Variants in CAPN8 observed in about 807,000 individuals in gnomAD.
CAPN8 encodes calpain-8.
CAPN8 carries 87 observed loss-of-function variants against 80.9 expected under a neutral mutation model. The ratio of observed to expected loss-of-function variants is 1.07; its 90% CI spans 0.90 to 1.28. The LOEUF is 1.28. Ranked by LOEUF, CAPN8 falls within the 50% of genes most tolerant of loss-of-function variation. The pLI is 0.00. For missense variants in CAPN8, 757 were observed against 702.0 expected (o/e 1.08, Z -0.89); for synonymous variants, 299 against 273.8 (o/e 1.09, Z -0.91).
intron 5 of CAPN8, among the ~76,000 whole-genome samples, 163 bp downstream of exon 5, chr1:223,626,826 T>C (rs890478050): frequency 6.6e-6 from 1 of 152,088 alleles, no homozygotes; most frequent in African/African-American, 2.4e-5. Flanking sequence ...CACCAGCCCC[T>C]ATATGTTCAG....
chr1:223,640,489 C>T (rs1355091383), intron 2 of CAPN8, among the ~76,000 whole-genome samples: 1 of 152,174 alleles, frequency 6.6e-6, no homozygotes, highest in African/African-American at 2.4e-5. Flanking sequence ...TCACTCCCAC[C>T]ACCTGCCTTC....
intron 13 of CAPN8, among the ~76,000 whole-genome samples, chr1:223,557,560 G>C (rs1656933286): frequency 6.6e-6 from 1 of 152,184 alleles, no homozygotes; most frequent in Admixed American, 6.5e-5. Context: ...TGAGGACACA[G>C]TGAGGAATAA....
chr1:223,620,577 G>A (rs1463116873), intron 7 of CAPN8, among the ~76,000 whole-genome samples: 3 of 152,090 alleles, frequency 2.0e-5, no homozygotes, highest in Admixed American at 2.0e-4. Flanking sequence ...AGACTCCCAG[G>A]CCCCTGTTTG....
intron 1 of CAPN8, among the ~76,000 whole-genome samples, chr1:223,655,274 G>A (rs892189847): frequency 6.6e-6 from 1 of 152,188 alleles, no homozygotes; most frequent in African/African-American, 2.4e-5. Context: ...TGTATCCTGA[G>A]ATGAGAATTC....
intron 16 of CAPN8, chr1:223,545,509 C>A: frequency 1.4e-6 from 1 of 725,258 alleles, no homozygotes; most frequent in Non-Finnish European, 2.2e-6. Flanking sequence ...AGGCCAGGCA[C>A]AGAGCTAGGA....
chr1:223,549,087 C>T (rs1398365382), intron 16 of CAPN8, among the ~76,000 whole-genome samples: 1 of 152,172 alleles, frequency 6.6e-6, no homozygotes, highest in African/African-American at 2.4e-5. Flanking sequence ...CTGCACACCT[C>T]GGTTTCTTCA....
intron 9 of CAPN8, chr1:223,617,294 G>GTTTGT (rs1374031332): frequency 3.5e-5 from 5 of 144,714 alleles, no homozygotes; most frequent in Admixed American, 1.4e-4. Flanking sequence ...GGGGGGGGTT[G>GTTTGT]TTTGTTTTGT....
At chr1:223,663,673 C>A (rs1481459076) in intron 1 of CAPN8, among the ~76,000 whole-genome samples, 2 of 152,202 alleles carry the variant, frequency 1.3e-5, no homozygotes, top group Non-Finnish European at 2.9e-5. Context: ...AAAACCATTA[C>A]TCCCAATCTG....
At chr1:223,651,378 G>GA (rs1658338769) in intron 2 of CAPN8, among the ~76,000 whole-genome samples, 1 of 152,182 alleles carries the variant, frequency 6.6e-6, no homozygotes, top group Non-Finnish European at 1.5e-5. Context: ...TATTCTACAG[G>GA]AAAAATTACT....
chr1:223,657,427 A>G (rs1301814908), intron 1 of CAPN8, among the ~76,000 whole-genome samples: 1 of 152,164 alleles, frequency 6.6e-6, no homozygotes, highest in East Asian at 1.9e-4. Flanking sequence ...AAGACAGCAC[A>G]CTCAATAGGG....
At position 223,630,436 on chromosome 1, in the gene CAPN8, A is replaced by G. The variant is rs1266121827; in HGVS notation, c.308-1656T>C. On this transcript the variant is annotated intron_variant, in intron 2 of 20. Transcript: ENST00000366872. ...ACTGCAGCCCCAACCTCCTAGTCTC[A>G]AGCAATTCTCCCACCTCAGCCTCCT... Among the ~76,000 whole-genome samples the G allele has an allele frequency of 2.0e-5, 3 of 152,048 alleles. No individual in the cohort carries two copies. The East Asian group carries it at 5.8e-4, about 29-fold the overall frequency.
At chr1:223,620,505 T>C (rs1263391650) in intron 7 of CAPN8, among the ~76,000 whole-genome samples, 2 of 152,116 alleles carry the variant, frequency 1.3e-5, no homozygotes, top group Non-Finnish European at 2.9e-5. Flanking sequence ...GCCAGGAACA[T>C]TATGACTCAA....
chr1:223,627,908 T>C, intron 4 of CAPN8, 101 bp downstream of exon 4: 9 of 1,360,078 alleles, frequency 6.6e-6, no homozygotes, highest in Non-Finnish European at 8.8e-6. Context: ...AAAGACGCCA[T>C]GACGCCCTGA....
At chr1:223,544,204 G>T in intron 18 of CAPN8, 21 bp from the exon 19 acceptor site, 1 of 716,952 alleles carries the variant, frequency 1.4e-6, no homozygotes. Flanking sequence ...AGGGAGCCTG[G>T]GTCACAGGTA....
At chr1:223,647,867 T>C (rs1160490235) in intron 2 of CAPN8, among the ~76,000 whole-genome samples, 1 of 152,204 alleles carries the variant, frequency 6.6e-6, no homozygotes, top group African/African-American at 2.4e-5. Context: ...AACATAATTA[T>C]GAAATGGCAG....
chr1:223,542,801 A>ATCCTTCCAT (rs1434744075), intron 20 of CAPN8, among the ~76,000 whole-genome samples: 1 of 152,208 alleles, frequency 6.6e-6, no homozygotes, highest in Admixed American at 6.5e-5. Context: ...CTGGTCCTAG[A>ATCCTTCCAT]AGCCAGACAC....
intron 1 of CAPN8, among the ~76,000 whole-genome samples, chr1:223,655,772 G>T (rs544103902): frequency 2.6e-5 from 4 of 152,146 alleles, no homozygotes; most frequent in African/African-American, 9.7e-5. Context: ...AGCAGTCTAC[G>T]TACTGGTTCC....
intron 11 of CAPN8, among the ~76,000 whole-genome samples, chr1:223,611,485 G>C (rs917801344): frequency 6.6e-6 from 1 of 152,208 alleles, no homozygotes; most frequent in African/African-American, 2.4e-5. Flanking sequence ...GTGTGGACCT[G>C]CCTGTCAGCT....
intron 2 of CAPN8, among the ~76,000 whole-genome samples, chr1:223,646,278 T>C (rs1371172134): frequency 6.6e-6 from 1 of 152,198 alleles, no homozygotes; most frequent in Non-Finnish European, 1.5e-5. Flanking sequence ...CGTGAGTAGG[T>C]GGTGTGGATT....
Sources: gnomAD v4.1 joint callset for allele counts (sites outside exome capture counted in the v4.1 genomes callset) on GRCh38, gnomAD v4.1.1 for gene constraint, MANE v1.5 for transcripts, NCBI Gene and HGNC (gene_info 2026-07-23, HGNC 2026-07-21) for gene names.